The following TMCC2 variants were observed in gnomAD, a reference collection of about 807,000 sequenced individuals.
TMCC2 encodes transmembrane and coiled-coil domains protein 2.
In TMCC2, 16 loss-of-function variants were observed where a neutral mutation model predicts 49.4. That is an observed-to-expected ratio of 0.32 (90% CI 0.22 to 0.49). The LOEUF (loss-of-function observed/expected upper bound fraction) is 0.49. Among genes scored for constraint, TMCC2 ranks in the 20% least tolerant of loss-of-function variants. The probability of loss-of-function intolerance (pLI) is 0.99; values close to 1 mark genes in which losing one functional copy is unlikely to be tolerated. For synonymous variants in TMCC2, 397 were observed against 434.1 expected (o/e 0.91, Z 1.06); for missense variants, 762 against 989.8 (o/e 0.77, Z 3.09).
chr1:205,253,311 A>AG (rs1463032394), intron 2 of TMCC2, among the ~76,000 whole-genome samples: 3 of 152,206 alleles, frequency 2.0e-5, no homozygotes, highest in Non-Finnish European at 4.4e-5. Context: ...GGAAGAAAAA[A>AG]CTAAACTAAG....
chr1:205,267,062 G>A (rs1160808235), intron 2 of TMCC2, among the ~76,000 whole-genome samples: 1 of 152,224 alleles, frequency 6.6e-6, no homozygotes, highest in African/African-American at 2.4e-5. Flanking sequence ...GAGAAGCAGA[G>A]TCCTGAAGGT....
At chr1:205,266,384 A>G (rs7367930) in intron 2 of TMCC2, among the ~76,000 whole-genome samples, 37,655 of 151,652 alleles carry the variant, frequency 0.25, 6,179 homozygotes, top group Non-Finnish European at 0.36. Flanking sequence ...TGAGATGAGG[A>G]GTTGAAGAGC....
chr1:205,244,049 G>A (rs1416056301), intron 2 of TMCC2, among the ~76,000 whole-genome samples: 1 of 152,250 alleles, frequency 6.6e-6, no homozygotes, highest in African/African-American at 2.4e-5. Flanking sequence ...TCACATCTGG[G>A]TTTGGAAATG....
At chr1:205,234,439 C>G (rs1011669773) in intron 1 of TMCC2, among the ~76,000 whole-genome samples, 2 of 152,074 alleles carry the variant, frequency 1.3e-5, no homozygotes, top group Non-Finnish European at 2.9e-5. Flanking sequence ...GAGCGAGACT[C>G]TGTCTCAAAA....
chr1:205,258,342 C>CT (rs1449669878), intron 2 of TMCC2, among the ~76,000 whole-genome samples: 26 of 152,160 alleles, frequency 1.7e-4, no homozygotes, highest in Non-Finnish European at 5.9e-5. Context: ...TGGGGCCTTG[C>CT]TACAGGGGTT....
chr1:205,257,649 T>C (rs1348547958), intron 2 of TMCC2, among the ~76,000 whole-genome samples: 1 of 152,122 alleles, frequency 6.6e-6, no homozygotes, highest in Non-Finnish European at 1.5e-5. Context: ...TATGTGGCAC[T>C]TCAGCTGGGG....
In TMCC2 at chr1:205,269,489, C is replaced by T; in HGVS notation, c.1287C>T (p.Ala429=). The T allele has an allele frequency of 6.2e-7, 1 of 1,608,258 alleles. No individual in the cohort carries two copies. Among genetic ancestry groups the T allele is most frequent in the Non-Finnish European group, 8.5e-7 (1 of 1,175,794 alleles). Residue 429 remains alanine, a synonymous_variant, in exon 3 of 5, where the codon GCC becomes GCT. Transcript: ENST00000358024. ...TAVVSKPREF[A]SLIRNKFGSA... ...TGGTGTCCAAGCCCCGGGAGTTTGC[C>T]AGCCTCATCCGCAACAAGTTTGGCA...
At chr1:205,229,569 G>GGGGGGGGGGGGGGGGGGGGGT (rs1659708817) in intron 1 of TMCC2, 1 of 882,720 alleles carries the variant, frequency 1.1e-6, no homozygotes, top group Non-Finnish European at 1.3e-6. Context: ...TGGTGGCGGG[G>GGGGGGGGGGGGGGGGGGGGGT]GCGGGGGGGG....
chr1:205,271,714 A>C, intron 4 of TMCC2, 99 bp from the exon 5 acceptor site: 1 of 1,463,710 alleles, frequency 6.8e-7, no homozygotes. Context: ...TGGAGAGGAG[A>C]CTTCGTTATA....
In TMCC2 at chr1:205,269,637, T is replaced by TGCTCCA; in HGVS notation, c.1438_1443dup (p.Ser480_Ser481dup). ...CCCCAAGTATGGCAGCGATGATGAG[T>TGCTCCA]GCTCCAGCGCCAGCGCCAGCTCAGC... On this transcript the variant is annotated inframe_insertion, in exon 3 of 5. Coordinates refer to ENST00000358024, the MANE Select transcript of TMCC2 (RefSeq NM_014858.4). The TGCTCCA allele has an allele frequency of 6.2e-7, 1 of 1,613,608 alleles. No homozygotes were observed. The highest frequency in any genetic ancestry group is 1.7e-4 in the Middle Eastern group (1 of 6,038).
Position 205,241,415 on chromosome 1 carries a change from C to A in TMCC2, c.208-90C>A. The A allele has an allele frequency of 1.5e-6, 2 of 1,375,506 alleles. No homozygotes were observed. The highest frequency in any genetic ancestry group is 2.0e-6 in the Non-Finnish European group (2 of 999,138). 85.2% of individuals were successfully genotyped at this position (1,375,506 alleles called of 1,614,324 possible). On this transcript the variant is annotated intron_variant, in intron 1 of 4. Coordinates refer to ENST00000358024, the MANE Select transcript of TMCC2 (RefSeq NM_014858.4). The surrounding 1 kb of genome is among the most constrained non-coding windows in gnomAD (Gnocchi z 7.3). ...TGGCTGCATTAGCTATGCCAGTCTA[C>A]CAAGGACAGACCCTTCACCTTCACC... is the stretch of plus-strand genomic sequence containing the variant.
At chr1:205,266,967 G>A (rs900020255) in intron 2 of TMCC2, among the ~76,000 whole-genome samples, 1 of 152,250 alleles carries the variant, frequency 6.6e-6, no homozygotes. Context: ...TGCAGGTTAG[G>A]GTTTTAAGTC....
rs1661231872 is a variant in TMCC2 at position 205,264,301 on chromosome 1, C to T, written c.748-4649C>T. ...ACTATGAAAATAGAAAATAGTGTGA[C>T]ACTGTTGTTTCTTGTTTTTTGTTTT... On this transcript the variant is annotated intron_variant, in intron 2 of 4. Coordinates refer to ENST00000358024, the MANE Select transcript of TMCC2 (RefSeq NM_014858.4). This position sits in a 1 kb window ranked among gnomAD's most constrained non-coding sequence, Gnocchi z 4.2. 1.3e-5 allele frequency among the ~76,000 whole-genome samples: 2 copies of T among 152,136 alleles called. No homozygotes were observed. The highest frequency in any genetic ancestry group is 1.3e-4 in the Admixed American group (2 of 15,266).
intron 1 of TMCC2, among the ~76,000 whole-genome samples, chr1:205,229,339 C>T (rs909951353): frequency 1.3e-5 from 2 of 152,094 alleles, no homozygotes; most frequent in Admixed American, 6.5e-5. Flanking sequence ...CAGGCACCCG[C>T]CACCACGCCC....
chr1:205,256,069 A>G, intron 2 of TMCC2: 1 of 601,508 alleles, frequency 1.7e-6, no homozygotes, highest in Non-Finnish European at 2.6e-6. Flanking sequence ...TTTGGCCTGC[A>G]AGCCCTGGCA....
At chr1:205,232,151 C>T (rs1252139286) in intron 1 of TMCC2, among the ~76,000 whole-genome samples, 2 of 152,052 alleles carry the variant, frequency 1.3e-5, no homozygotes, top group African/African-American at 4.8e-5. Context: ...GCTACAGTGC[C>T]CTGGGATCTG....
intron 1 of TMCC2, chr1:205,229,639 G>A: frequency 6.1e-6 from 6 of 983,376 alleles, no homozygotes; most frequent in Non-Finnish European, 7.2e-6. Flanking sequence ...GGAGATCTCT[G>A]CCTGCCTGCT....
At chr1:205,256,553 G>A (rs773170422) in intron 2 of TMCC2, 5 of 915,724 alleles carry the variant, frequency 5.5e-6, no homozygotes, top group Non-Finnish European at 5.1e-6. Context: ...GGATCTCAGG[G>A]CAGAAGAATT....
chr1:205,251,738 G>GCCC (rs1331551208), intron 2 of TMCC2, among the ~76,000 whole-genome samples: 1 of 152,188 alleles, frequency 6.6e-6, no homozygotes, highest in Admixed American at 6.5e-5. Context: ...TTATGGGCAT[G>GCCC]CCCCCCAAGA....
Sources: allele counts gnomAD v4.1 joint callset (sites outside exome capture counted in the v4.1 genomes callset), GRCh38; gene constraint gnomAD v4.1.1; non-coding constraint Gnocchi (gnomAD v3.1); transcripts MANE v1.5; gene names NCBI Gene and HGNC (gene_info 2026-07-23, HGNC 2026-07-21).